Variants in LNX2 observed in about 807,000 individuals in gnomAD.
LNX2 encodes ligand of numb-protein X 2.
LNX2 carries 35 observed loss-of-function variants against 66.2 expected under a neutral mutation model. That is an observed-to-expected ratio of 0.53 (90% CI 0.40 to 0.70). The LOEUF (loss-of-function observed/expected upper bound fraction) is 0.70, where lower values mean the gene tolerates loss of function less well. Ranked by LOEUF, LNX2 falls within the 30% of genes least tolerant of loss-of-function variation. The probability of loss-of-function intolerance (pLI) is 0.00; values close to 1 mark genes in which losing one functional copy is unlikely to be tolerated. For missense variants in LNX2, 791 were observed against 850.8 expected (o/e 0.93, Z 0.87); for synonymous variants, 337 against 315.6 (o/e 1.07, Z -0.72).
intron 4 of LNX2, 42 bp downstream of exon 4, chr13:27,567,598 G>T: frequency 1.3e-6 from 2 of 1,554,384 alleles, no homozygotes; most frequent in Non-Finnish European, 1.8e-6. Flanking sequence ...GTTAAGAATG[G>T]AACAAAAAGG....
chr13:27,587,619 T>C (rs1281639127), intron 1 of LNX2, among the ~76,000 whole-genome samples: 1 of 152,196 alleles, frequency 6.6e-6, no homozygotes, highest in Non-Finnish European at 1.5e-5. Context: ...TAATACTCCC[T>C]TTAATCTACA....
chr13:27,583,245 T>TGCGCGCGCGCGC (rs1377484241), intron 1 of LNX2, among the ~76,000 whole-genome samples: 2 of 32,216 alleles, frequency 6.2e-5, no homozygotes, highest in Admixed American at 3.5e-4. Context: ...TGTGTGTGTG[T>TGCGCGCGCGCGC]GTGTGTGTGT....
intron 1 of LNX2, among the ~76,000 whole-genome samples, chr13:27,602,201 C>T (rs1434385149): frequency 6.6e-6 from 1 of 152,078 alleles, no homozygotes; most frequent in African/African-American, 2.4e-5. Flanking sequence ...CCTCAGCCTC[C>T]CAAGTAGCTG....
intron 2 of LNX2, among the ~76,000 whole-genome samples, chr13:27,579,957 T>A (rs1955379922): frequency 1.3e-5 from 2 of 152,188 alleles, no homozygotes; most frequent in African/African-American, 4.8e-5. Context: ...AGTCTGTCTA[T>A]CCTACTCTAT....
intron 1 of LNX2, among the ~76,000 whole-genome samples, chr13:27,582,123 A>T (rs756850860): frequency 6.6e-6 from 1 of 152,046 alleles, no homozygotes. Flanking sequence ...TCTGCCTTCC[A>T]GGCTCAAGTG....
chr13:27,594,356 A>G lies in LNX2; in HGVS notation c.-100-12553T>C, dbSNP rs1955574720. Among the ~76,000 whole-genome samples the G allele has an allele frequency of 2.2e-5, 3 of 136,772 alleles. No individual in the cohort carries two copies. In the South Asian group the frequency reaches 6.8e-4, roughly 31 times the overall value. 89.7% of individuals were successfully genotyped at this position (136,772 alleles called of 152,430 possible). ...TATTAAGACAGCAACCCTTTATCAC[A>G]TTATTATAATCACCTCTCCCAAGCC... On this transcript the variant is annotated intron_variant, in intron 1 of 9. Transcript: ENST00000316334.
intron 1 of LNX2, among the ~76,000 whole-genome samples, chr13:27,595,272 C>T (rs1358747065): frequency 6.6e-6 from 1 of 152,154 alleles, no homozygotes; most frequent in Admixed American, 6.5e-5. Flanking sequence ...CACAAGCTCT[C>T]ACTATGTCCC....
chr13:27,585,813 C>A (rs1026077347), intron 1 of LNX2, among the ~76,000 whole-genome samples: 3 of 151,876 alleles, frequency 2.0e-5, no homozygotes, highest in Admixed American at 6.6e-5. Context: ...ATTCTAGCCT[C>A]CCACATGATG....
intron 6 of LNX2, 49 bp from the exon 7 acceptor site, chr13:27,556,462 GAAGTA>G: frequency 6.7e-7 from 1 of 1,502,286 alleles, no homozygotes. Flanking sequence ...AAATATAGTT[GAAGTA>G]AAGTTATTAC....
intron 2 of LNX2, among the ~76,000 whole-genome samples, chr13:27,572,269 A>C (rs545056006): frequency 5.3e-5 from 8 of 152,338 alleles, no homozygotes; most frequent in Admixed American, 6.5e-5. Context: ...ACACAAACTG[A>C]AATTGCACTG....
chr13:27,611,508 T>G (rs1172116396), intron 1 of LNX2, among the ~76,000 whole-genome samples: 1 of 152,210 alleles, frequency 6.6e-6, no homozygotes, highest in Non-Finnish European at 1.5e-5. Flanking sequence ...GAAAAAGTTT[T>G]GGAGATCTGT....
rs767818207 is a variant in LNX2 at position 27,589,767 on chromosome 13, A to C, written c.-100-7964T>G. ...TTAATTTGGAAACAGAATTTACATA[A>C]AATTATTTCAAAAAGGAAATATATT... On this transcript the variant is annotated intron_variant, in intron 1 of 9. Transcript: ENST00000316334. Among the ~76,000 whole-genome samples, 9 of 152,354 alleles carry C rather than the reference A, an allele frequency of 5.9e-5. No individual in the cohort carries two copies. In the South Asian group the frequency reaches 1.9e-3, roughly 32 times the overall value.
chr13:27,586,714 T>C (rs1287209393), intron 1 of LNX2, among the ~76,000 whole-genome samples: 3 of 152,232 alleles, frequency 2.0e-5, no homozygotes, highest in Admixed American at 6.5e-5. Context: ...GGTTAAATAA[T>C]AGTCTCAAAC....
chr13:27,553,477 A>G (rs1277802502), intron 7 of LNX2, 38 bp from the exon 8 acceptor site: 1 of 1,537,926 alleles, frequency 6.5e-7, no homozygotes, highest in Admixed American at 1.7e-5. Context: ...GAGCTGAGCC[A>G]CTGAGTTTTC....
intron 2 of LNX2, among the ~76,000 whole-genome samples, chr13:27,573,487 T>C (rs368962803): frequency 7.3e-5 from 11 of 151,250 alleles, no homozygotes; most frequent in African/African-American, 2.7e-4. Context: ...AGATTGTGGC[T>C]GCCTGAAGAC....
Position 27,569,245 on chromosome 13 carries a change from G to C in LNX2, c.439C>G (p.Leu147Val), listed in dbSNP as rs1020391757. 6.2e-7 allele frequency: 1 copy of C among 1,613,084 alleles called. No individual in the cohort carries two copies. Among genetic ancestry groups the C allele is most frequent in the East Asian group, 2.2e-5 (1 of 44,826 alleles). The change falls in exon 3 of 10, where the codon CTG becomes GTG. Residue 147 changes from leucine to valine, a missense_variant. Leu to Val is a conservative substitution (Grantham distance 32, BLOSUM62 1). Coordinates refer to ENST00000316334, the MANE Select transcript of LNX2 (RefSeq NM_153371.4). Reference sequence around the variant, plus strand: ...GTTCTACTAGTTTTCCTTCTCTCCAGGGCAACTCTCCGATGAGAAGCTCCA... The same window carrying C: ...GTTCTACTAGTTTTCCTTCTCTCCACGGCAACTCTCCGATGAGAAGCTCCA... ...CPGASHRRVA[L>V]ERRKTSRTQA...
rs148603061 is a variant in LNX2 at position 27,548,338 on chromosome 13, T to C, written c.2070A>G (p.Val690=). 6.8e-6 allele frequency: 11 copies of C among 1,608,146 alleles called. No individual in the cohort carries two copies. The East Asian group carries it at 1.8e-4, about 26-fold the overall frequency. Residue 690 remains valine, a synonymous_variant, in exon 10 of 10, where the codon GTA becomes GTG. Coordinates refer to ENST00000316334, the MANE Select transcript of LNX2 (RefSeq NM_153371.4). ...LTVICWPGSL[V] ...ATTTGAAACCAATTTCCAAAATCTA[T>C]ACAAGGCTGCCAGGCCAACAAATAA... is the stretch of plus-strand genomic sequence containing the variant.
intron 1 of LNX2, 144 bp from the exon 2 acceptor site, chr13:27,581,947 A>C (rs2138395833): frequency 2.7e-6 from 1 of 365,800 alleles, no homozygotes; most frequent in East Asian, 4.2e-5. Flanking sequence ...ATAAAAAAAG[A>C]AATTAATTTT....
chr13:27,577,666 A>C (rs1955354267), intron 2 of LNX2, among the ~76,000 whole-genome samples: 1 of 152,194 alleles, frequency 6.6e-6, no homozygotes, highest in Non-Finnish European at 1.5e-5. Flanking sequence ...GCAAGGAAAG[A>C]GGCTTCTTTA....
Sources: allele counts gnomAD v4.1 joint callset (sites outside exome capture counted in the v4.1 genomes callset), GRCh38; gene constraint gnomAD v4.1.1; transcripts MANE v1.5; gene names NCBI Gene and HGNC (gene_info 2026-07-23, HGNC 2026-07-21).